PPP2R2B: variants seen among roughly 807,000 people sequenced by gnomAD.
PPP2R2B encodes serine/threonine-protein phosphatase 2A 55 kDa regulatory subunit B beta isoform.
PPP2R2B carries 5 observed loss-of-function variants against 46.0 expected under a neutral mutation model. The observed-to-expected ratio is 0.11, with a 90% CI of 0.06 to 0.23. The LOEUF (loss-of-function observed/expected upper bound fraction) is 0.23, where lower values mean the gene tolerates loss of function less well. Ranked by LOEUF, PPP2R2B falls within the 10% of genes least tolerant of loss-of-function variation. PPP2R2B has a pLI of 1.00. For missense variants in PPP2R2B, 367 were observed against 575.0 expected (o/e 0.64, Z 3.70); for synonymous variants, 215 against 206.7 (o/e 1.04, Z -0.34).
At chr5:146,699,661 G>GT (rs11388336) in intron 3 of PPP2R2B, among the ~76,000 whole-genome samples, 71,302 of 117,920 alleles carry the variant, frequency 0.6, 22,110 homozygotes, top group Middle Eastern at 0.68. Context: ...AACTTAATTG[G>GT]TTTTTTTTTT....
intron 1 of PPP2R2B, among the ~76,000 whole-genome samples, chr5:146,913,609 T>C (rs1363871669): frequency 6.6e-6 from 1 of 152,170 alleles, no homozygotes; most frequent in Non-Finnish European, 1.5e-5. Flanking sequence ...ATCTCCACTT[T>C]GCCTTTAGCT....
rs1770092865 is a variant in PPP2R2B at position 146,585,269 on chromosome 5, C to CACACACAT, written c.*4677_*4678insATGTGTGT. 2.0e-5 allele frequency: 3 copies of CACACACAT among 150,242 alleles called. No individual in the cohort carries two copies. In the South Asian group the frequency reaches 6.4e-4, roughly 32 times the overall value. 9.3% of individuals were successfully genotyped at this position (150,242 alleles called of 1,614,324 possible). On this transcript the variant is annotated 3_prime_UTR_variant, in exon 10 of 10. Coordinates refer to ENST00000394411, the MANE Select transcript of PPP2R2B (RefSeq NM_181675.4). Reference sequence around the variant, plus strand: ...TTCCATCTACATGCATACACACACACACACACACACACACACACACACACA... The same window carrying CACACACAT: ...TTCCATCTACATGCATACACACACACACACACATACACACACACACACACACACACACA...
chr5:146,936,276 T>C (rs779095747), intron 1 of PPP2R2B, among the ~76,000 whole-genome samples: 3 of 152,114 alleles, frequency 2.0e-5, no homozygotes, highest in Non-Finnish European at 4.4e-5. Flanking sequence ...AGTCATTTGA[T>C]ACAATCATTG....
At chr5:146,601,076 T>C (rs1771735931) in intron 7 of PPP2R2B, among the ~76,000 whole-genome samples, 1 of 152,166 alleles carries the variant, frequency 6.6e-6, no homozygotes, top group African/African-American at 2.4e-5. Flanking sequence ...TTACTTGGCA[T>C]AAAATTTTCA....
At chr5:146,709,356 G>A (rs1410686889) in intron 2 of PPP2R2B, among the ~76,000 whole-genome samples, 1 of 152,160 alleles carries the variant, frequency 6.6e-6, no homozygotes, top group Non-Finnish European at 1.5e-5. Context: ...TGTCATGGCA[G>A]ATACTCTTGG....
At chr5:147,020,558 G>A (rs1755210655) in intron 1 of PPP2R2B, among the ~76,000 whole-genome samples, 1 of 152,122 alleles carries the variant, frequency 6.6e-6, no homozygotes, top group South Asian at 2.1e-4. Context: ...GCAAGAGGAG[G>A]AGACCAGGAG....
chr5:146,767,929 T>C (rs541344379), intron 2 of PPP2R2B, among the ~76,000 whole-genome samples: 10 of 152,194 alleles, frequency 6.6e-5, no homozygotes, highest in Non-Finnish European at 1.2e-4. Flanking sequence ...ACTGCTGATC[T>C]TTTGACTGTC....
At chr5:147,042,028 T>C (rs554705795) in intron 1 of PPP2R2B, among the ~76,000 whole-genome samples, 1 of 152,192 alleles carries the variant, frequency 6.6e-6, no homozygotes, top group East Asian at 1.9e-4. Flanking sequence ...AAGAATGCAA[T>C]TAACTGATAA....
At chr5:146,934,215 T>C (rs1464690178) in intron 1 of PPP2R2B, among the ~76,000 whole-genome samples, 2 of 151,830 alleles carry the variant, frequency 1.3e-5, no homozygotes, top group Non-Finnish European at 2.9e-5. Context: ...GATGGCTGGG[T>C]CAAATGGTAT....
chr5:146,781,945 T>C (rs1385106769), intron 2 of PPP2R2B, among the ~76,000 whole-genome samples: 4 of 152,204 alleles, frequency 2.6e-5, no homozygotes, highest in African/African-American at 7.2e-5. Flanking sequence ...TGAGAGGTGA[T>C]AGGATCATGG....
chr5:146,620,285 G>A (rs527713469), intron 7 of PPP2R2B, among the ~76,000 whole-genome samples: 5 of 152,200 alleles, frequency 3.3e-5, no homozygotes, highest in Non-Finnish European at 7.3e-5. Context: ...GTACAGACAA[G>A]TTCATTAATT....
At chr5:147,053,200 T>C (rs1482565674) in intron 1 of PPP2R2B, among the ~76,000 whole-genome samples, 1 of 146,662 alleles carries the variant, frequency 6.8e-6, no homozygotes, top group Non-Finnish European at 1.5e-5. Context: ...TCAAAACCTA[T>C]GGCCTTCCTG....
At chr5:146,716,348 T>C (rs2151187994) in intron 2 of PPP2R2B, among the ~76,000 whole-genome samples, 1 of 152,308 alleles carries the variant, frequency 6.6e-6, no homozygotes, top group East Asian at 1.9e-4. Flanking sequence ...TCTATTTTCC[T>C]AACTGAAATG....
chr5:146,627,361 T>A (rs1774134331), intron 7 of PPP2R2B, among the ~76,000 whole-genome samples: 4 of 152,212 alleles, frequency 2.6e-5, no homozygotes. Context: ...TTGGACACAT[T>A]CCATCAGGGA....
chr5:146,767,898 C>G (rs149716406), intron 2 of PPP2R2B, among the ~76,000 whole-genome samples: 41 of 152,294 alleles, frequency 2.7e-4, no homozygotes, highest in African/African-American at 9.6e-4. Context: ...ATTCACTCCT[C>G]CCTCTCCCCA....
intron 2 of PPP2R2B, among the ~76,000 whole-genome samples, chr5:146,851,845 T>C (rs1418792567): frequency 6.6e-6 from 1 of 152,072 alleles, no homozygotes; most frequent in African/African-American, 2.4e-5. Flanking sequence ...GTGATAAGTT[T>C]ACAAGCAGTT....
intron 2 of PPP2R2B, among the ~76,000 whole-genome samples, chr5:146,723,739 G>A (rs1257830725): frequency 6.6e-6 from 1 of 152,004 alleles, no homozygotes; most frequent in African/African-American, 2.4e-5. Flanking sequence ...TCTTCTAACA[G>A]GTCCTGAAAC....
In PPP2R2B at chr5:146,658,923, T is replaced by A. The variant is rs188871239; in HGVS notation, c.448-8199A>T. Among the ~76,000 whole-genome samples the A allele has an allele frequency of 4.6e-5, 7 of 152,348 alleles. No individual in the cohort carries two copies. In the East Asian group the frequency reaches 1.3e-3, roughly 29 times the overall value. On this transcript the variant is annotated intron_variant, in intron 5 of 9. Coordinates refer to ENST00000394411, the MANE Select transcript of PPP2R2B (RefSeq NM_181675.4). ...TATATGTTTATGCTGTTTTGATGTA[T>A]TGTGTTCTATTAATAGTCAAAGCAA...
intron 1 of PPP2R2B, among the ~76,000 whole-genome samples, chr5:146,941,650 C>A (rs978244784): frequency 3.3e-5 from 5 of 152,252 alleles, no homozygotes; most frequent in Admixed American, 2.6e-4. Flanking sequence ...AATTCAATTT[C>A]AGATTACTAT....
Sources: allele counts gnomAD v4.1 joint callset (sites outside exome capture counted in the v4.1 genomes callset), GRCh38; gene constraint gnomAD v4.1.1; transcripts MANE v1.5; gene names NCBI Gene and HGNC (gene_info 2026-07-23, HGNC 2026-07-21).